Variants in ZDHHC1 observed in about 807,000 individuals in gnomAD.
ZDHHC1 encodes palmitoyltransferase ZDHHC1.
In ZDHHC1, 45 loss-of-function variants were observed where a neutral mutation model predicts 46.9. The observed-to-expected ratio is 0.96, with a 90% CI of 0.76 to 1.23. ZDHHC1 has a LOEUF of 1.23. Among genes scored for constraint, ZDHHC1 ranks in the 50% most tolerant of loss-of-function variants. The probability of loss-of-function intolerance (pLI) is 0.00; values close to 1 mark genes in which losing one functional copy is unlikely to be tolerated. For synonymous variants in ZDHHC1, 291 were observed against 286.0 expected (o/e 1.02, Z -0.18); for missense variants, 649 against 670.8 (o/e 0.97, Z 0.36).
At chr16:67,399,323 C>A (rs375328895) in intron 5 of ZDHHC1, 32 bp downstream of exon 5, 7 of 1,585,738 alleles carry the variant, frequency 4.4e-6, no homozygotes, top group African/African-American at 1.3e-5. Flanking sequence ...ACAGTGCATC[C>A]CCAGGCCCGC....
chr16:67,397,983 A>G (rs1178446785), intron 8 of ZDHHC1, among the ~76,000 whole-genome samples: 2 of 152,124 alleles, frequency 1.3e-5, no homozygotes, highest in African/African-American at 2.4e-5. Context: ...CCTCCCGCGC[A>G]TGCTTGGCGC....
chr16:67,395,049 C>T lies in ZDHHC1; in HGVS notation c.1118G>A (p.Arg373Lys). The change falls in exon 11 of 12, where the codon AGG becomes AAG. Residue 373 changes from arginine (R) to lysine (K), a missense_variant. Transcript: ENST00000565726. ...AGACGTTCGCACTTTATACACGCGC[C>T]TCTTCCTCTTTTTCTGCAGAGACAC... ...PRIRPQKKRK[R>K]RVYKVRTSET... The T allele has an allele frequency of 1.2e-6, 2 of 1,613,228 alleles. No individual in the cohort carries two copies. The highest frequency in any genetic ancestry group is 2.2e-5 in the South Asian group (2 of 91,014).
chr16:67,398,755 C>T (rs1167981842), intron 6 of ZDHHC1, 24 bp from the exon 7 acceptor site: 3 of 1,610,846 alleles, frequency 1.9e-6, no homozygotes, highest in Non-Finnish European at 2.5e-6. Context: ...GCAGTGTGTG[C>T]TCAGCCGGGG....
intron 1 of ZDHHC1, among the ~76,000 whole-genome samples, chr16:67,412,816 T>G (rs1047305919): frequency 6.6e-6 from 1 of 152,186 alleles, no homozygotes; most frequent in Non-Finnish European, 1.5e-5. Flanking sequence ...TTTTTTTTTT[T>G]TAAGACGGAG....
intron 8 of ZDHHC1, among the ~76,000 whole-genome samples, chr16:67,397,762 G>C (rs1405771254): frequency 6.6e-6 from 1 of 152,210 alleles, no homozygotes; most frequent in Admixed American, 6.5e-5. Flanking sequence ...GACCCAGCTT[G>C]TGGTTAACCT....
rs2040838593 is a variant in ZDHHC1, at chr16:67,416,440, C to A, written c.-308G>T. On this transcript the variant is annotated 5_prime_UTR_variant, in exon 1 of 12. Coordinates refer to ENST00000565726, the MANE Select transcript of ZDHHC1 (RefSeq NM_001323627.2). ...GGCTCCAGCAGGCTGGAGGGGCGGC[C>A]AGGCCAGACCCAGACTGGCTGGGCC... The A allele has an allele frequency of 5.4e-6, 1 of 185,722 alleles. No homozygotes were observed. The highest frequency in any genetic ancestry group is 1.1e-5 in the Non-Finnish European group (1 of 88,754). The allele number at this position is 185,722 out of a possible 1,614,324, so 11.5% of individuals were successfully genotyped here.
Position 67,398,642 on chromosome 16 carries a change from G to A in ZDHHC1, c.745C>T (p.Leu249=), listed in dbSNP as rs1453229504. The A allele has an allele frequency of 1.2e-6, 2 of 1,606,772 alleles. No individual in the cohort carries two copies. The highest frequency in any genetic ancestry group is 1.7e-5 in the Admixed American group (1 of 58,538). ...GACAGGAGGCCCAGAAGGATGAGCA[G>A]GGCGGCCAGGGCCAGGATGGCAGGG... ...QAPAILALAA[L]LILLGLLSTA... is the part of the protein sequence containing the mutation. The change falls in exon 7 of 12, where the codon CTG becomes TTG. Residue 249 remains leucine (L), a synonymous_variant. Coordinates refer to ENST00000565726, the MANE Select transcript of ZDHHC1 (RefSeq NM_001323627.2).
intron 1 of ZDHHC1, among the ~76,000 whole-genome samples, chr16:67,408,478 CTTTGT>C (rs755048999): frequency 4.6e-5 from 7 of 150,666 alleles, no homozygotes; most frequent in African/African-American, 7.3e-5. Flanking sequence ...CCCGGCCTTG[CTTTGT>C]TTTGTTTTGT....
chr16:67,412,096 G>T (rs1182933330), intron 1 of ZDHHC1, among the ~76,000 whole-genome samples: 1 of 151,904 alleles, frequency 6.6e-6, no homozygotes, highest in Non-Finnish European at 1.5e-5. Context: ...CTGGGCAACA[G>T]GCGAGACTCT....
In ZDHHC1 at chr16:67,399,049, G is replaced by A. The variant is rs561774582; in HGVS notation, c.531-105C>T. ...ATTGCTATGGGCTCAGAGGGCTGAGGGTGACCCCACAGCCCCAACTCCTCA... is the reference window on the plus strand; with the variant it reads ...ATTGCTATGGGCTCAGAGGGCTGAGAGTGACCCCACAGCCCCAACTCCTCA... On this transcript the variant is annotated intron_variant, in intron 5 of 11. Transcript: ENST00000565726. 74 of 1,447,980 alleles carry A rather than the reference G, an allele frequency of 5.1e-5. No individual in the cohort carries two copies. In the Admixed American group the frequency reaches 5.6e-4, roughly 11 times the overall value. 89.7% of individuals were successfully genotyped at this position (1,447,980 alleles called of 1,614,324 possible).
intron 1 of ZDHHC1, among the ~76,000 whole-genome samples, chr16:67,411,737 A>C (rs1367790987): frequency 6.6e-6 from 1 of 152,260 alleles, no homozygotes; most frequent in Non-Finnish European, 1.5e-5. Flanking sequence ...AAAAGAAAAA[A>C]AAGGGATGAA....
chr16:67,394,757 C>T lies in ZDHHC1; in HGVS notation c.1302G>A (p.Thr434=), dbSNP rs2040384287. The T allele has an allele frequency of 6.6e-7, 1 of 1,523,148 alleles. No individual in the cohort carries two copies. The highest frequency in any genetic ancestry group is 2.0e-5 in the Admixed American group (1 of 49,504). 94.4% of individuals were successfully genotyped at this position (1,523,148 alleles called of 1,614,324 possible). A position where few individuals can be genotyped will look rare whatever the true frequency, so the allele number is the denominator to read the frequency against. The change falls in exon 12 of 12, where the codon ACG becomes ACA. Residue 434 remains threonine, a synonymous_variant. Transcript: ENST00000565726. ...ESVDEIPVAQ[T]RLGSAALAAP... ...CGGCCAGAGCGGCGCTGCCCAGGCG[C>T]GTCTGCGCCACTGGAATCTCGTCCA...
At chr16:67,415,713 G>T (rs2040823931) in intron 1 of ZDHHC1, among the ~76,000 whole-genome samples, 1 of 151,800 alleles carries the variant, frequency 6.6e-6, no homozygotes, top group South Asian at 2.1e-4. Context: ...CCCGAGTCGT[G>T]CCACTGCGCT....
At chr16:67,409,273 T>C (rs192071837) in intron 1 of ZDHHC1, among the ~76,000 whole-genome samples, 12 of 151,850 alleles carry the variant, frequency 7.9e-5, no homozygotes, top group Non-Finnish European at 1.5e-4. Flanking sequence ...CAAATCAGGA[T>C]ACCCCCTGAT....
At chr16:67,415,176 T>C in intron 1 of ZDHHC1, among the ~76,000 whole-genome samples, 1 of 151,938 alleles carries the variant, frequency 6.6e-6, no homozygotes, top group Admixed American at 6.6e-5. Flanking sequence ...AAAACTCTTC[T>C]GCCGCTTGCA....
At chr16:67,394,939 G>A (rs2040392845) in intron 11 of ZDHHC1, 46 bp from the exon 12 acceptor site, 1 of 1,557,896 alleles carries the variant, frequency 6.4e-7, no homozygotes. Context: ...CGGCTCGCTT[G>A]TGGCTCTGCC....
Position 67,398,622 on chromosome 16 carries a change from G to A in ZDHHC1, c.765C>T (p.Leu255=). 1 of 1,606,774 alleles carries A rather than the reference G, an allele frequency of 6.2e-7. No homozygotes were observed. Among genetic ancestry groups the A allele is most frequent in the Non-Finnish European group, 8.5e-7 (1 of 1,177,460 alleles). ...GGTGCCCCAGGAGGGCTGTGGACAGGAGGCCCAGAAGGATGAGCAGGGCGG... is the reference window on the plus strand; with the variant it reads ...GGTGCCCCAGGAGGGCTGTGGACAGAAGGCCCAGAAGGATGAGCAGGGCGG... ...ALAALLILLG[L]LSTALLGHLL... The change falls in exon 7 of 12, where the codon CTC becomes CTT. Residue 255 remains leucine (L), a synonymous_variant. Transcript: ENST00000565726.
At chr16:67,409,586 A>G (rs938796614) in intron 1 of ZDHHC1, among the ~76,000 whole-genome samples, 10 of 152,166 alleles carry the variant, frequency 6.6e-5, no homozygotes, top group Non-Finnish European at 1.3e-4. Flanking sequence ...GGCCCAAAAG[A>G]TTTTGATTAA....
At chr16:67,396,677 G>A (rs969703482) in intron 8 of ZDHHC1, among the ~76,000 whole-genome samples, 3 of 152,186 alleles carry the variant, frequency 2.0e-5, no homozygotes, top group Admixed American at 6.5e-5. Flanking sequence ...GTGTGGGGGC[G>A]CCAGCCTGGG....
Sources: allele counts gnomAD v4.1 joint callset (sites outside exome capture counted in the v4.1 genomes callset), GRCh38; gene constraint gnomAD v4.1.1; transcripts MANE v1.5; gene names NCBI Gene and HGNC (gene_info 2026-07-23, HGNC 2026-07-21).